Variants in KCNRG observed in about 807,000 individuals in gnomAD.
The protein encoded by KCNRG is potassium channel regulatory protein.
A neutral mutation model predicts 17.7 loss-of-function variants in KCNRG; 17 were observed. That is an observed-to-expected ratio of 0.96 (90% CI 0.66 to 1.44). KCNRG has a LOEUF of 1.44. Ranked by LOEUF, KCNRG falls within the 40% of genes most tolerant of loss-of-function variation. KCNRG has a pLI of 0.00. For synonymous variants in KCNRG, 97 were observed against 116.5 expected (o/e 0.83, Z 1.08); for missense variants, 311 against 321.1 (o/e 0.97, Z 0.24).
chr13:50,020,292 A>T lies in KCNRG; in HGVS notation c.657A>T (p.Leu219Phe), dbSNP rs1161136802. The change falls in exon 2 of 2, where the codon TTA becomes TTT. Residue 219 changes from leucine (L) to phenylalanine (F), a missense_variant. Transcript: ENST00000312942. The part of the protein sequence containing the change: ...NVLGLLIDTL[L>F]KEGFHLVSTR... Reference sequence around the variant, plus strand: ...TCGGCTTACTGATTGACACTTTATTAAAGGAAGGCTTTCATTTGGTCAGCA... The same window carrying T: ...TCGGCTTACTGATTGACACTTTATTTAAGGAAGGCTTTCATTTGGTCAGCA... 1 of 1,614,016 alleles carries T rather than the reference A, an allele frequency of 6.2e-7. No homozygotes were observed. The highest frequency in any genetic ancestry group is 8.5e-7 in the Non-Finnish European group (1 of 1,179,894).
In KCNRG at chr13:50,015,917, G is replaced by C; in HGVS notation, c.424G>C (p.Val142Leu). The C allele has an allele frequency of 3.7e-6, 6 of 1,614,088 alleles. No homozygotes were observed. Among genetic ancestry groups the C allele is most frequent in the Non-Finnish European group, 5.1e-6 (6 of 1,179,988 alleles). Residue 142 changes from valine (V) to leucine (L), a missense_variant, in exon 1 of 2, where the codon GTG (valine) becomes CTG (leucine). Val to Leu is a conservative substitution (Grantham distance 32). Coordinates refer to ENST00000312942, the MANE Select transcript of KCNRG (RefSeq NM_173605.2). The part of the protein sequence containing the change: ...TIEMLTGRIT[V>L]FTEQPSAPTW... ...TGAGATGCTAACAGGGAGGATTACA[G>C]TGTTTACAGAACAACCTTCAGCGCC...
At chr13:50,018,338 A>C (rs909345104) in intron 1 of KCNRG, 1 of 166,606 alleles carries the variant, frequency 6.0e-6, no homozygotes, top group Non-Finnish European at 1.5e-5. Context: ...GATGTTCTGT[A>C]ACATTTTTCT....
rs1411756332 is a variant in KCNRG, at chr13:50,020,584, C to T, written c.*130C>T. The T allele has an allele frequency of 2.2e-6, 2 of 900,370 alleles. No individual in the cohort carries two copies. The highest frequency in any genetic ancestry group is 1.7e-5 in the African/African-American group (1 of 59,482). 55.8% of individuals were successfully genotyped at this position (900,370 alleles called of 1,614,324 possible). ...CATCTGCTGCCATGCCGTCTCTGGG[C>T]AACCAGGCCCCAACTGTGCTTAAGC... On this transcript the variant is annotated 3_prime_UTR_variant, in exon 2 of 2. Coordinates refer to ENST00000312942, the MANE Select transcript of KCNRG (RefSeq NM_173605.2).
chr13:50,020,289 A>G lies in KCNRG; in HGVS notation c.654A>G (p.Leu218=), dbSNP rs571388481. 1.4e-5 allele frequency: 23 copies of G among 1,614,054 alleles called. No homozygotes were observed. In the South Asian group the frequency reaches 2.3e-4, roughly 16 times the overall value. ...TCCTCGGCTTACTGATTGACACTTT[A>G]TTAAAGGAAGGCTTTCATTTGGTCA... ...TNVLGLLIDT[L]LKEGFHLVST... Residue 218 remains leucine, a synonymous_variant, in exon 2 of 2, where the codon TTA becomes TTG. Transcript: ENST00000312942.
intron 1 of KCNRG, chr13:50,018,108 A>G (rs117138858): frequency 0.016 from 2,596 of 167,178 alleles, 24 homozygotes; most frequent in Non-Finnish European, 0.023. Flanking sequence ...CTCAAATGGA[A>G]AAGTGTAGTT....
rs775954005 is a variant in KCNRG at position 50,020,438 on chromosome 13, C to G, written c.803C>G (p.Ser268Cys). 1 of 1,612,478 alleles carries G rather than the reference C, an allele frequency of 6.2e-7. No homozygotes were observed. The highest frequency in any genetic ancestry group is 1.3e-5 in the African/African-American group (1 of 74,882). ...KPETIIIPEQ[S>C]QIKK ...GAGACTATCATCATACCAGAGCAAT[C>G]TCAGATAAAGAAATGAAGTTGTCTA... Residue 268 changes from serine to cysteine, a missense_variant, in exon 2 of 2, where the codon TCT becomes TGT. Transcript: ENST00000312942.
chr13:50,020,356 A>G lies in KCNRG; in HGVS notation c.721A>G (p.Ser241Gly). The G allele has an allele frequency of 6.2e-7, 1 of 1,614,136 alleles. No homozygotes were observed. The highest frequency in any genetic ancestry group is 8.5e-7 in the Non-Finnish European group (1 of 1,179,964). The stretch of plus-strand genomic sequence containing the variant: ...TTCTGAAGACAAAACTGAATGCTAT[A>G]GCTTTGAAAGGATAAAAAGCCCTGA... ...VSSEDKTECY[S>G]FERIKSPEVL... The change falls in exon 2 of 2, where the codon AGC becomes GGC. Residue 241 changes from serine (S) to glycine (G), a missense_variant. Coordinates refer to ENST00000312942, the MANE Select transcript of KCNRG (RefSeq NM_173605.2).
At chr13:50,018,849 C>G (rs1876942514) in intron 1 of KCNRG, 1 of 160,748 alleles carries the variant, frequency 6.2e-6, no homozygotes, top group Admixed American at 6.4e-5. Context: ...GTGATCTCGG[C>G]TCACCACAAC....
chr13:50,017,612 C>T (rs1876766722), intron 1 of KCNRG: 1 of 166,808 alleles, frequency 6.0e-6, no homozygotes, highest in South Asian at 2.1e-4. Flanking sequence ...GTTTGAAGCT[C>T]AAAATTTTTA....
chr13:50,016,124 C>A lies in KCNRG; in HGVS notation c.578+53C>A, dbSNP rs78125350. On this transcript the variant is annotated intron_variant, in intron 1 of 1. Coordinates refer to ENST00000312942, the MANE Select transcript of KCNRG (RefSeq NM_173605.2). ...TGTATACCAGTTTGTGATGTTTTCTCTAAAAACTTGAAGTTCCTCAGGCCT... is the reference window on the plus strand; with the variant it reads ...TGTATACCAGTTTGTGATGTTTTCTATAAAAACTTGAAGTTCCTCAGGCCT... 3.2e-3 allele frequency: 4,372 copies of A among 1,372,232 alleles called. 97 individuals are homozygous for A. The African/African-American group carries it at 0.056, about 17-fold the overall frequency. 85.0% of individuals were successfully genotyped at this position (1,372,232 alleles called of 1,614,324 possible).
rs1416165900 is a variant in KCNRG, at chr13:50,020,200, T to C, written c.579-14T>C. The C allele has an allele frequency of 6.2e-7, 1 of 1,610,188 alleles. No homozygotes were observed. Among genetic ancestry groups the C allele is most frequent in the Admixed American group, 1.7e-5 (1 of 59,086 alleles). ...GGGATGCTTTATAATTAAGCTTCTT[T>C]TTGTGTGTCCTAGGTATGTTTCTAT... is the stretch of plus-strand genomic sequence containing the variant. On this transcript the variant is annotated splice_polypyrimidine_tract_variant and intron_variant, in intron 1 of 1. Transcript: ENST00000312942.
In KCNRG at chr13:50,020,505, C is replaced by A; in HGVS notation, c.*51C>A. 1.3e-6 allele frequency: 2 copies of A among 1,574,124 alleles called. No homozygotes were observed. The highest frequency in any genetic ancestry group is 1.7e-6 in the Non-Finnish European group (2 of 1,152,408). On this transcript the variant is annotated 3_prime_UTR_variant, in exon 2 of 2. Coordinates refer to ENST00000312942, the MANE Select transcript of KCNRG (RefSeq NM_173605.2). The stretch of plus-strand genomic sequence containing the variant: ...AATTGCCATTTTTCTTGTTTCATTA[C>A]GTATTTAGGGCATACATGTTAGCCA...
At position 50,016,029 on chromosome 13, in the gene KCNRG, A is replaced by G. The variant is rs1876510946; in HGVS notation, c.536A>G (p.Gln179Arg). The G allele has an allele frequency of 6.2e-7, 1 of 1,614,092 alleles. No individual in the cohort carries two copies. The highest frequency in any genetic ancestry group is 8.5e-7 in the Non-Finnish European group (1 of 1,179,946). ...CCTTCTTACCATGACCTGGTTTTCCAGTGTGGTTCTGACAGCACTACTGAT... is the reference window on the plus strand; with the variant it reads ...CCTTCTTACCATGACCTGGTTTTCCGGTGTGGTTCTGACAGCACTACTGAT... ...QRPSYHDLVF[Q>R]CGSDSTTDNQ... is the part of the protein sequence containing the mutation. The change falls in exon 1 of 2, where the codon CAG (glutamine) becomes CGG (arginine). Residue 179 changes from glutamine (Q) to arginine (R), a missense_variant. Gln to Arg is a conservative substitution (Grantham distance 43, BLOSUM62 1). Transcript: ENST00000312942.
At chr13:50,017,895 CATT>C (rs1361853476) in intron 1 of KCNRG, 2 of 167,018 alleles carry the variant, frequency 1.2e-5, no homozygotes, top group Non-Finnish European at 2.9e-5. Flanking sequence ...TCTGGTGTAT[CATT>C]CACTTTATTC....
chr13:50,020,334 T>G lies in KCNRG; in HGVS notation c.699T>G (p.Ser233=). Residue 233 remains serine, a synonymous_variant, in exon 2 of 2, where the codon TCT becomes TCG. Transcript: ENST00000312942. ...TGGTCAGCACTAGAACAGTATCTTC[T>G]GAAGACAAAACTGAATGCTATAGCT... ...FHLVSTRTVS[S]EDKTECYSFE... 6.2e-7 allele frequency: 1 copy of G among 1,614,134 alleles called. No homozygotes were observed. The highest frequency in any genetic ancestry group is 8.5e-7 in the Non-Finnish European group (1 of 1,179,982).
In KCNRG at chr13:50,015,672, T is replaced by G; in HGVS notation, c.179T>G (p.Phe60Cys). 6.2e-7 allele frequency: 1 copy of G among 1,614,160 alleles called. No individual in the cohort carries two copies. The highest frequency in any genetic ancestry group is 8.5e-7 in the Non-Finnish European group (1 of 1,179,992). ...FVDRDGDLFS[F>C]ILDFLRTHQL... Reference sequence around the variant, plus strand: ...GACAGAGATGGTGATTTGTTTAGTTTCATCTTAGATTTTTTGAGAACTCAC... The same window carrying G: ...GACAGAGATGGTGATTTGTTTAGTTGCATCTTAGATTTTTTGAGAACTCAC... Residue 60 changes from phenylalanine to cysteine, a missense_variant, in exon 1 of 2, where the codon TTC (phenylalanine) becomes TGC (cysteine). Physicochemically the swap from Phe to Cys is radical, Grantham distance 205. Coordinates refer to ENST00000312942, the MANE Select transcript of KCNRG (RefSeq NM_173605.2).
chr13:50,020,506 G>A lies in KCNRG; in HGVS notation c.*52G>A, dbSNP rs149167296. ...ATTGCCATTTTTCTTGTTTCATTACGTATTTAGGGCATACATGTTAGCCAA... is the reference window on the plus strand; with the variant it reads ...ATTGCCATTTTTCTTGTTTCATTACATATTTAGGGCATACATGTTAGCCAA... On this transcript the variant is annotated 3_prime_UTR_variant, in exon 2 of 2. Transcript: ENST00000312942. The A allele has an allele frequency of 4.5e-5, 71 of 1,569,934 alleles. No individual in the cohort carries two copies. Among genetic ancestry groups the A allele is most frequent in the African/African-American group, 4.2e-4 (31 of 73,540 alleles).
chr13:50,016,314 C>T, intron 1 of KCNRG: 1 of 425,524 alleles, frequency 2.4e-6, no homozygotes. Flanking sequence ...CCAGAAAAAA[C>T]TGAGACTATG....
chr13:50,019,457 C>G lies in KCNRG; in HGVS notation c.579-757C>G, dbSNP rs1031611913. Among the ~76,000 whole-genome samples, 2 of 152,002 alleles carry G rather than the reference C, an allele frequency of 1.3e-5. 1 individual carries two copies. Among genetic ancestry groups the G allele is most frequent in the South Asian group, 4.1e-4 (2 of 4,830 alleles). ...AAAGGTAAATTTCATAGGAGTAAGT[C>G]GCAAAGGAAAATCCATAATGTCAGT... On this transcript the variant is annotated intron_variant, in intron 1 of 1. Coordinates refer to ENST00000312942, the MANE Select transcript of KCNRG (RefSeq NM_173605.2).
Sources: allele counts gnomAD v4.1 joint callset (sites outside exome capture counted in the v4.1 genomes callset), GRCh38; gene constraint gnomAD v4.1.1; transcripts MANE v1.5; gene names NCBI Gene and HGNC (gene_info 2026-07-23, HGNC 2026-07-21).